The following INVS variants were observed in gnomAD, a reference collection of about 807,000 sequenced individuals.
The protein encoded by INVS is inversin.
INVS carries 86 observed loss-of-function variants against 108.8 expected under a neutral mutation model. The observed-to-expected ratio is 0.79, with a 90% confidence interval of 0.66 to 0.95. The LOEUF (loss-of-function observed/expected upper bound fraction) is 0.95. Among genes scored for constraint, INVS ranks in the 40% least tolerant of loss-of-function variants. The pLI, the probability that INVS is intolerant of heterozygous loss-of-function variation, is 0.00. For missense variants in INVS, 1,169 were observed against 1,297.4 expected (o/e 0.90, Z 1.52); for synonymous variants, 455 against 473.5 (o/e 0.96, Z 0.51).
intron 13 of INVS, among the ~76,000 whole-genome samples, chr9:100,289,308 C>A (rs773097803): frequency 6.6e-6 from 1 of 152,234 alleles, no homozygotes; most frequent in Admixed American, 6.5e-5. Context: ...GCTCTTCGAG[C>A]CTTCACCAGC....
intron 3 of INVS, among the ~76,000 whole-genome samples, chr9:100,137,660 T>C (rs900702345): frequency 6.6e-6 from 1 of 152,170 alleles, no homozygotes; most frequent in African/African-American, 2.4e-5. Context: ...TGAAAATACA[T>C]TGAAATACTG....
At position 100,292,307 on chromosome 9, in the gene INVS, TTTTC is replaced by T. The variant is rs753445835; in HGVS notation, c.2069-15_2069-12del. 14 of 1,599,258 alleles carry T rather than the reference TTTTC, an allele frequency of 8.8e-6. No individual in the cohort carries two copies. In the African/African-American group the frequency reaches 9.4e-5, roughly 11 times the overall value. On this transcript the variant is annotated splice_polypyrimidine_tract_variant and intron_variant, in intron 13 of 16. Coordinates refer to ENST00000262457, the MANE Select transcript of INVS (RefSeq NM_014425.5). ...TACTCTGCAAGTTTTGGACAATATT[TTTTC>T]TTTGTTTCCTCAAGAAACAGCCAGA... is the stretch of plus-strand genomic sequence containing the variant.
intron 10 of INVS, among the ~76,000 whole-genome samples, chr9:100,260,537 G>A (rs972869114): frequency 1.1e-4 from 16 of 152,166 alleles, no homozygotes; most frequent in South Asian, 2.1e-4. Context: ...AATTGTCACC[G>A]TTTTCTCATG....
chr9:100,256,799 G>C (rs550416229), intron 10 of INVS, among the ~76,000 whole-genome samples: 1 of 152,146 alleles, frequency 6.6e-6, no homozygotes, highest in Non-Finnish European at 1.5e-5. Context: ...TGTAATTTCT[G>C]TTCTTTTACA....
chr9:100,209,126 A>G (rs1349419722), intron 3 of INVS, among the ~76,000 whole-genome samples: 1 of 152,182 alleles, frequency 6.6e-6, no homozygotes, highest in African/African-American at 2.4e-5. Flanking sequence ...AGCGAACATC[A>G]ATATGCTAGG....
chr9:100,118,471 A>G (rs963604182), intron 2 of INVS, among the ~76,000 whole-genome samples: 7 of 151,910 alleles, frequency 4.6e-5, no homozygotes, highest in African/African-American at 1.5e-4. Context: ...AGCCTCTCAA[A>G]GTGCTGGGAT....
intron 11 of INVS, 55 bp downstream of exon 11, chr9:100,264,983 C>T: frequency 8.1e-7 from 1 of 1,231,518 alleles, no homozygotes; most frequent in Non-Finnish European, 1.2e-6. Flanking sequence ...CGCCCTGTCA[C>T]TCAGGTTGGG....
In INVS at chr9:100,301,237, T is replaced by C. The variant is rs763642680; in HGVS notation, c.*563T>C. On this transcript the variant is annotated 3_prime_UTR_variant, in exon 17 of 17. Transcript: ENST00000262457. ...AGGTTTAAATTTTAGATCAGAATCATTGCCCACTGTTTTCATTTAGAAATT... is the reference window on the plus strand; with the variant it reads ...AGGTTTAAATTTTAGATCAGAATCACTGCCCACTGTTTTCATTTAGAAATT... 6.6e-6 allele frequency among the ~76,000 whole-genome samples: 1 copy of C among 151,936 alleles called. No individual in the cohort carries two copies. The highest frequency in any genetic ancestry group is 2.1e-4 in the South Asian group (1 of 4,822).
chr9:100,200,652 A>G lies in INVS; in HGVS notation c.274-25410A>G, dbSNP rs1588084299. On this transcript the variant is annotated intron_variant, in intron 3 of 16. Coordinates refer to ENST00000262457, the MANE Select transcript of INVS (RefSeq NM_014425.5). Reference sequence around the variant, plus strand: ...AACTCAAACTCCAAATTCTACCCCTATGCCTTGGGTAGTAGCTGAAATCTC... The same window carrying G: ...AACTCAAACTCCAAATTCTACCCCTGTGCCTTGGGTAGTAGCTGAAATCTC... Among the ~76,000 whole-genome samples, 3 of 152,202 alleles carry G rather than the reference A, an allele frequency of 2.0e-5. No individual in the cohort carries two copies. In the East Asian group the frequency reaches 5.8e-4, roughly 29 times the overall value.
rs907608984 is a variant in INVS at position 100,302,034 on chromosome 9, G to A, written c.*1360G>A. Reference sequence around the variant, plus strand: ...AGCCAGCCTACACATCAATAGGAACGCCCAAACATTATTTTCATATATCAG... The same window carrying A: ...AGCCAGCCTACACATCAATAGGAACACCCAAACATTATTTTCATATATCAG... On this transcript the variant is annotated 3_prime_UTR_variant, in exon 17 of 17. Coordinates refer to ENST00000262457, the MANE Select transcript of INVS (RefSeq NM_014425.5). 1.0e-5 allele frequency: 5 copies of A among 499,642 alleles called. No homozygotes were observed. The highest frequency in any genetic ancestry group is 5.2e-4 in the Middle Eastern group (1 of 1,918). 31.0% of individuals were successfully genotyped at this position (499,642 alleles called of 1,614,324 possible).
chr9:100,272,702 A>G (rs1832992942), intron 11 of INVS, among the ~76,000 whole-genome samples, 162 bp from the exon 12 acceptor site: 1 of 152,128 alleles, frequency 6.6e-6, no homozygotes, highest in Admixed American at 6.6e-5. Flanking sequence ...CCCCTCGGAG[A>G]AAAAAAGAAT....
chr9:100,137,748 T>C (rs1828272941), intron 3 of INVS, among the ~76,000 whole-genome samples: 1 of 152,198 alleles, frequency 6.6e-6, no homozygotes, highest in Non-Finnish European at 1.5e-5. Context: ...GTATGAAACA[T>C]CTGAAAACCA....
In INVS at chr9:100,113,360, A is replaced by G. The variant is rs758853450; in HGVS notation, c.106+8733A>G. Among the ~76,000 whole-genome samples, 18 of 152,238 alleles carry G rather than the reference A, an allele frequency of 1.2e-4. 1 individual carries two copies. Among genetic ancestry groups the G allele is most frequent in the Admixed American group, 5.2e-4 (8 of 15,290 alleles). ...CCTCTAGGAGTTACACACAACCTGAATACATCTGTAAGGCTCTTTCAAATT... is the reference window on the plus strand; with the variant it reads ...CCTCTAGGAGTTACACACAACCTGAGTACATCTGTAAGGCTCTTTCAAATT... On this transcript the variant is annotated intron_variant, in intron 2 of 16. Transcript: ENST00000262457.
At position 100,176,570 on chromosome 9, in the gene INVS, G is replaced by A. The variant is rs1027965555; in HGVS notation, c.274-49492G>A. 4.6e-5 allele frequency among the ~76,000 whole-genome samples: 7 copies of A among 152,080 alleles called. 1 individual carries two copies. The South Asian group carries it at 6.2e-4, about 13-fold the overall frequency. ...CAGCTCACTGCAGCCTCCACCTTCC[G>A]GGTTGATGTGATTCTCCTGCCTCAG... On this transcript the variant is annotated intron_variant, in intron 3 of 16. Coordinates refer to ENST00000262457, the MANE Select transcript of INVS (RefSeq NM_014425.5).
At chr9:100,188,542 TC>T (rs765324375) in intron 3 of INVS, among the ~76,000 whole-genome samples, 1 of 152,064 alleles carries the variant, frequency 6.6e-6, no homozygotes, top group Non-Finnish European at 1.5e-5. Context: ...GGGTGAATTA[TC>T]TTTTTGATAT....
At chr9:100,220,353 G>A (rs1831107064) in intron 3 of INVS, among the ~76,000 whole-genome samples, 1 of 151,974 alleles carries the variant, frequency 6.6e-6, no homozygotes, top group Admixed American at 6.6e-5. Context: ...TTAATTACAG[G>A]AAGATTTAGA....
At chr9:100,254,888 T>C (rs925324298) in intron 10 of INVS, among the ~76,000 whole-genome samples, 29 of 152,328 alleles carry the variant, frequency 1.9e-4, no homozygotes, top group African/African-American at 6.5e-4. Flanking sequence ...TAGGATTGTC[T>C]TGGCAATGCG....
intron 5 of INVS, 60 bp from the exon 6 acceptor site, chr9:100,240,000 C>A: frequency 6.9e-7 from 1 of 1,447,466 alleles, no homozygotes; most frequent in Middle Eastern, 1.7e-4. Flanking sequence ...AATACTTACA[C>A]CAAATGTAAT....
intron 3 of INVS, chr9:100,175,494 T>A: frequency 1.3e-6 from 1 of 778,612 alleles, no homozygotes; most frequent in Non-Finnish European, 2.3e-6. Context: ...GAGACAGAAA[T>A]ACCTCAGCCT....
Sources: gnomAD v4.1 joint callset for allele counts (sites outside exome capture counted in the v4.1 genomes callset) on GRCh38, gnomAD v4.1.1 for gene constraint, MANE v1.5 for transcripts, NCBI Gene and HGNC (gene_info 2026-07-23, HGNC 2026-07-21) for gene names.